The following CTNNA2 variants were observed in gnomAD, a reference collection of about 807,000 sequenced individuals.
CTNNA2 encodes catenin alpha 2.
Under a neutral mutation model 101.0 loss-of-function variants are expected in CTNNA2, and 42 were observed. The observed-to-expected ratio is 0.42, with a 90% confidence interval of 0.32 to 0.54. CTNNA2 has a LOEUF of 0.54. CTNNA2 is among the 20% of genes least tolerant of loss of function. CTNNA2 has a pLI of 0.14. For missense variants in CTNNA2, 871 were observed against 1,223.1 expected (o/e 0.71, Z 4.29); for synonymous variants, 450 against 456.4 (o/e 0.99, Z 0.18).
intron 8 of CTNNA2, among the ~76,000 whole-genome samples, chr2:80,417,694 TG>T (rs1254624288): frequency 1.3e-5 from 2 of 152,094 alleles, no homozygotes; most frequent in Non-Finnish European, 2.9e-5. Flanking sequence ...ATTTTTATGA[TG>T]TTTTTAATTT....
chr2:79,343,183 T>C (rs1264847880), intron 3 of CTNNA2, among the ~76,000 whole-genome samples: 1 of 152,116 alleles, frequency 6.6e-6, no homozygotes, highest in Non-Finnish European at 1.5e-5. Flanking sequence ...GCCTTAACAG[T>C]CATTAAAATA....
At chr2:80,313,642 G>A (rs781400956) in intron 7 of CTNNA2, 5 of 1,607,456 alleles carry the variant, frequency 3.1e-6, no homozygotes, top group Non-Finnish European at 4.2e-6. Context: ...TGCATACCAT[G>A]TCTGGAGCAC....
intron 1 of CTNNA2, among the ~76,000 whole-genome samples, chr2:79,528,014 G>A (rs1209174404): frequency 3.9e-5 from 6 of 152,178 alleles, no homozygotes; most frequent in African/African-American, 1.4e-4. Context: ...CACGTGAAAC[G>A]TGGATATCCT....
chr2:79,487,550 G>T (rs868207083), intron 4 of CTNNA2, among the ~76,000 whole-genome samples: 3 of 152,218 alleles, frequency 2.0e-5, no homozygotes, highest in Admixed American at 6.5e-5. Flanking sequence ...CACGCTGGGA[G>T]TTGCCTACAT....
chr2:80,441,284 T>C (rs1489854789), intron 9 of CTNNA2, among the ~76,000 whole-genome samples: 1 of 152,202 alleles, frequency 6.6e-6, no homozygotes, highest in African/African-American at 2.4e-5. Context: ...TGCTTTTTGC[T>C]ATTTGATGAG....
At chr2:79,456,611 T>C (rs1670825277) in intron 4 of CTNNA2, among the ~76,000 whole-genome samples, 1 of 152,214 alleles carries the variant, frequency 6.6e-6, no homozygotes, top group Non-Finnish European at 1.5e-5. Flanking sequence ...GTAGATTCTG[T>C]TGCATTTTGT....
chr2:79,409,317 G>A (rs34608677), intron 4 of CTNNA2, among the ~76,000 whole-genome samples: 43,010 of 151,170 alleles, frequency 0.28, 6,207 homozygotes, highest in South Asian at 0.44. Context: ...CATCCCATTT[G>A]TCAATTTTGT....
intron 3 of CTNNA2, among the ~76,000 whole-genome samples, chr2:79,819,699 T>A (rs528702621): frequency 6.6e-6 from 1 of 152,196 alleles, no homozygotes; most frequent in African/African-American, 2.4e-5. Context: ...TACAGTTAGA[T>A]AGAAGGAATA....
intron 7 of CTNNA2, among the ~76,000 whole-genome samples, chr2:80,112,937 T>C (rs1308996797): frequency 6.6e-6 from 1 of 152,154 alleles, no homozygotes; most frequent in Non-Finnish European, 1.5e-5. Flanking sequence ...AGGAGCCAGC[T>C]GTGACTGTGA....
At chr2:80,270,800 C>G (rs1031277747) in intron 7 of CTNNA2, among the ~76,000 whole-genome samples, 1 of 152,000 alleles carries the variant, frequency 6.6e-6, no homozygotes, top group Non-Finnish European at 1.5e-5. Flanking sequence ...ATAAATTGAA[C>G]AAAGTTTGGA....
At chr2:79,512,725 C>G (rs1405718906), upstream of CTNNA2, among the ~76,000 whole-genome samples, 1 of 151,830 alleles carries the variant, frequency 6.6e-6, no homozygotes, top group African/African-American at 2.4e-5. Context: ...CGTCCCCTCC[C>G]CCCACCTGCG....
intron 7 of CTNNA2, among the ~76,000 whole-genome samples, chr2:79,923,992 TGTTGAAGGCATC>T (rs1463948969): frequency 6.6e-6 from 1 of 152,184 alleles, no homozygotes; most frequent in Non-Finnish European, 1.5e-5. Flanking sequence ...GAAATCAGTA[TGTTGAAGGCATC>T]TCTGCACTGC....
chr2:80,586,898 A>C (rs1696022638), intron 14 of CTNNA2, among the ~76,000 whole-genome samples: 1 of 152,210 alleles, frequency 6.6e-6, no homozygotes, highest in Non-Finnish European at 1.5e-5. Context: ...CCACGGGTTC[A>C]AGGATACCTT....
At chr2:80,125,140 G>GCA (rs1702045342) in intron 7 of CTNNA2, among the ~76,000 whole-genome samples, 1 of 152,118 alleles carries the variant, frequency 6.6e-6, no homozygotes, top group Non-Finnish European at 1.5e-5. Context: ...CAAATCTGGG[G>GCA]CATCAAAATC....
At chr2:80,331,930 T>C (rs1440550267) in intron 7 of CTNNA2, among the ~76,000 whole-genome samples, 1 of 152,128 alleles carries the variant, frequency 6.6e-6, no homozygotes, top group Non-Finnish European at 1.5e-5. Flanking sequence ...TTGTGTCAAA[T>C]TTTCTTTCAT....
intron 1 of CTNNA2, among the ~76,000 whole-genome samples, chr2:79,580,270 G>A (rs1676068468): frequency 6.6e-6 from 1 of 152,138 alleles, no homozygotes; most frequent in Non-Finnish European, 1.5e-5. Flanking sequence ...GTCAGAGGGC[G>A]AGGTAATTAC....
chr2:79,650,035 A>G (rs1307288911), intron 1 of CTNNA2, among the ~76,000 whole-genome samples: 1 of 152,028 alleles, frequency 6.6e-6, no homozygotes, highest in Non-Finnish European at 1.5e-5. Context: ...GGACATTTTG[A>G]TTTATGTTGG....
chr2:80,265,364 G>T (rs1301324681), intron 7 of CTNNA2, among the ~76,000 whole-genome samples: 2 of 152,140 alleles, frequency 1.3e-5, no homozygotes, highest in African/African-American at 4.8e-5. Flanking sequence ...AGAGGAGAGT[G>T]GTTCTCAAGC....
intron 2 of CTNNA2, chr2:79,687,469 A>C: frequency 1.9e-6 from 1 of 523,694 alleles, no homozygotes; most frequent in Non-Finnish European, 3.4e-6. Flanking sequence ...ACCTTCAGAT[A>C]ATTTTGATTA....
Sources: allele counts gnomAD v4.1 joint callset (sites outside exome capture counted in the v4.1 genomes callset), GRCh38; gene constraint gnomAD v4.1.1; transcripts MANE v1.5; gene names NCBI Gene and HGNC (gene_info 2026-07-23, HGNC 2026-07-21).